Variants in TENM3 observed in about 807,000 individuals in gnomAD.
The protein encoded by TENM3 is teneurin transmembrane protein 3.
TENM3 carries 63 observed loss-of-function variants against 255.1 expected under a neutral mutation model. That is an observed-to-expected ratio of 0.25 (90% CI 0.20 to 0.30). The LOEUF is 0.30. Among genes scored for constraint, TENM3 ranks in the 10% least tolerant of loss-of-function variants. The pLI, the probability that TENM3 is intolerant of heterozygous loss-of-function variation, is 1.00. For synonymous variants in TENM3, 1,306 were observed against 1,322.3 expected (o/e 0.99, Z 0.27); for missense variants, 2,929 against 3,461.1 (o/e 0.85, Z 3.86).
At chr4:182,381,605 G>A (rs1198310454) in intron 3 of TENM3, among the ~76,000 whole-genome samples, 1 of 141,612 alleles carries the variant, frequency 7.1e-6, no homozygotes, top group Non-Finnish European at 1.5e-5. Flanking sequence ...GCCCAGGCTG[G>A]AGTGCAATGG....
chr4:182,106,775 A>G, the TENM3 span, among the ~76,000 whole-genome samples: 1 of 152,168 alleles, frequency 6.6e-6, no homozygotes, highest in Non-Finnish European at 1.5e-5. Context: ...AAATAGTGTT[A>G]GTATTCATAT....
the TENM3 span, among the ~76,000 whole-genome samples, chr4:181,472,395 A>T: frequency 6.6e-6 from 1 of 152,094 alleles, no homozygotes; most frequent in East Asian, 1.9e-4. Context: ...TTGTCATACC[A>T]CATGGGACAA....
chr4:181,750,040 C>T, the TENM3 span, among the ~76,000 whole-genome samples: 1 of 152,180 alleles, frequency 6.6e-6, no homozygotes, highest in East Asian at 1.9e-4. Flanking sequence ...TGATCAGCCT[C>T]TTAACAGAGA....
intron 22 of TENM3, among the ~76,000 whole-genome samples, chr4:182,765,664 G>A (rs1579406439): frequency 6.6e-6 from 1 of 152,006 alleles, no homozygotes; most frequent in South Asian, 2.1e-4. Flanking sequence ...ACACTCATGA[G>A]ATGAAACTAA....
At chr4:182,156,596 G>GT (rs900575130) in intron 1 of TENM3, among the ~76,000 whole-genome samples, 13 of 151,296 alleles carry the variant, frequency 8.6e-5, no homozygotes, top group African/African-American at 1.5e-4. Context: ...AAATATGATA[G>GT]TTTTTTTTAC....
the TENM3 span, among the ~76,000 whole-genome samples, chr4:181,968,053 A>C: frequency 6.6e-6 from 1 of 152,170 alleles, no homozygotes; most frequent in Admixed American, 6.5e-5. Context: ...GTCTTGCTGA[A>C]CGCTGACAGA....
At chr4:182,275,307 G>A (rs1287035117) in intron 1 of TENM3, among the ~76,000 whole-genome samples, 8 of 152,188 alleles carry the variant, frequency 5.3e-5, no homozygotes, top group Non-Finnish European at 1.0e-4. Context: ...CCCTGGGCAC[G>A]TATGAGACAT....
At chr4:181,826,913 A>T in the TENM3 span, among the ~76,000 whole-genome samples, 1 of 152,346 alleles carries the variant, frequency 6.6e-6, no homozygotes, top group Admixed American at 6.5e-5. Context: ...GGAAAATTTT[A>T]GCCTTTCTTA....
At chr4:181,888,555 TATATAC>T in the TENM3 span, among the ~76,000 whole-genome samples, 1 of 111,766 alleles carries the variant, frequency 8.9e-6, no homozygotes, top group African/African-American at 3.4e-5. Flanking sequence ...TATATGTATA[TATATAC>T]ATATATGTAT....
At chr4:181,864,770 C>T in the TENM3 span, among the ~76,000 whole-genome samples, 12 of 152,286 alleles carry the variant, frequency 7.9e-5, no homozygotes, top group East Asian at 2.3e-3. Context: ...CGATGCCCAG[C>T]AATTCCTTAA....
chr4:182,424,964 G>C (rs1771098707), intron 3 of TENM3, among the ~76,000 whole-genome samples: 1 of 152,106 alleles, frequency 6.6e-6, no homozygotes, highest in Non-Finnish European at 1.5e-5. Context: ...TCTTTGTGAT[G>C]ACATGGTGTA....
chr4:182,636,717 A>T (rs1157565198), intron 5 of TENM3, among the ~76,000 whole-genome samples: 1 of 82,030 alleles, frequency 1.2e-5, no homozygotes, highest in African/African-American at 8.3e-5. Flanking sequence ...ACTCTGTCTC[A>T]AAAAAAAAAA....
At chr4:181,456,928 T>TA in the TENM3 span, among the ~76,000 whole-genome samples, 2 of 151,862 alleles carry the variant, frequency 1.3e-5, no homozygotes. Context: ...AATTACCCTA[T>TA]ATAGTTCACC....
At chr4:181,633,633 G>C in the TENM3 span, among the ~76,000 whole-genome samples, 1,244 of 152,254 alleles carry the variant, frequency 8.2e-3, 22 homozygotes, top group Admixed American at 0.037. Context: ...CAGAGCCTGA[G>C]GGTTATGACT....
At chr4:181,456,636 A>T in the TENM3 span, among the ~76,000 whole-genome samples, 1 of 151,908 alleles carries the variant, frequency 6.6e-6, no homozygotes, top group Non-Finnish European at 1.5e-5. Flanking sequence ...TGGTGCTGTG[A>T]TTATTCAGTA....
intron 3 of TENM3, among the ~76,000 whole-genome samples, chr4:182,449,828 CAA>C (rs1440984830): frequency 6.6e-6 from 1 of 152,158 alleles, no homozygotes; most frequent in African/African-American, 2.4e-5. Context: ...TACTCCTGTG[CAA>C]AGATAGTTGG....
the TENM3 span, among the ~76,000 whole-genome samples, chr4:181,666,698 AT>A: frequency 2.0e-5 from 3 of 150,774 alleles, no homozygotes; most frequent in African/African-American, 4.9e-5. Flanking sequence ...GAGACCAAAA[AT>A]TTTTTTTTTC....
At chr4:181,760,054 C>G in the TENM3 span, among the ~76,000 whole-genome samples, 2 of 151,936 alleles carry the variant, frequency 1.3e-5, no homozygotes, top group African/African-American at 4.8e-5. Context: ...TTCTCTTATT[C>G]CATGAAAAAA....
intron 3 of TENM3, among the ~76,000 whole-genome samples, chr4:182,507,560 G>A (rs1363804769): frequency 6.6e-6 from 1 of 152,084 alleles, no homozygotes; most frequent in Non-Finnish European, 1.5e-5. Context: ...ATACAGTCTT[G>A]TCCAGGAAGC....
Sources: gnomAD v4.1 joint callset for allele counts (sites outside exome capture counted in the v4.1 genomes callset) on GRCh38, gnomAD v4.1.1 for gene constraint, MANE v1.5 for transcripts, NCBI Gene and HGNC (gene_info 2026-07-23, HGNC 2026-07-21) for gene names.